NKD1: variants seen among roughly 807,000 people sequenced by gnomAD.
NKD1 encodes the protein NKD inhibitor of Wnt signaling pathway 1, also known as protein naked cuticle homolog 1.
In NKD1, 21 loss-of-function variants were observed where a neutral mutation model predicts 56.0. The observed-to-expected ratio is 0.38, with a 90% CI of 0.27 to 0.54. NKD1 has a LOEUF of 0.54. Among genes scored for constraint, NKD1 ranks in the 20% least tolerant of loss-of-function variants. The pLI, the probability that NKD1 is intolerant of heterozygous loss-of-function variation, is 0.82. For synonymous variants in NKD1, 263 were observed against 265.7 expected (o/e 0.99, Z 0.10); for missense variants, 578 against 642.7 (o/e 0.90, Z 1.09).
chr16:50,561,730 G>A (rs1442757672), intron 3 of NKD1, among the ~76,000 whole-genome samples: 1 of 152,184 alleles, frequency 6.6e-6, no homozygotes, highest in East Asian at 1.9e-4. Context: ...CCTGGAATTA[G>A]CAACAACACA....
intron 6 of NKD1, among the ~76,000 whole-genome samples, chr16:50,625,929 G>A (rs185812938): frequency 3.4e-4 from 52 of 152,214 alleles, no homozygotes; most frequent in East Asian, 3.9e-4. Flanking sequence ...TCTCTCCACA[G>A]TCCCAGAGCT....
chr16:50,588,291 G>A (rs1338770261), intron 3 of NKD1, among the ~76,000 whole-genome samples: 1 of 152,258 alleles, frequency 6.6e-6, no homozygotes, highest in Non-Finnish European at 1.5e-5. Context: ...AACTGGGACT[G>A]AGACTGCAAG....
chr16:50,566,098 C>T (rs982293508), intron 3 of NKD1: 12 of 947,934 alleles, frequency 1.3e-5, no homozygotes, highest in Admixed American at 6.2e-5. Context: ...TCTACAAAAT[C>T]GAGGAGGAAA....
At chr16:50,616,036 T>C (rs1382778264) in intron 4 of NKD1, 1 of 454,790 alleles carries the variant, frequency 2.2e-6, no homozygotes, top group African/African-American at 2.0e-5. Context: ...TTCATCTGCA[T>C]TCCCTCGAAC....
rs1962413951 is a variant in NKD1, at chr16:50,634,009, G to GA, written c.*228_*229insA. The GA allele has an allele frequency of 2.4e-6, 1 of 422,522 alleles. No homozygotes were observed. Among genetic ancestry groups the GA allele is most frequent in the Admixed American group, 4.2e-5 (1 of 23,974 alleles). 26.2% of individuals were successfully genotyped at this position (422,522 alleles called of 1,614,324 possible). A position where few individuals can be genotyped will look rare whatever the true frequency, so the allele number is the denominator to read the frequency against. ...CATAACTAGCCCAGGAAATGACTCT[G>GA]GTTTTGAGTGGCCTGTAATGGGCAG... On this transcript the variant is annotated 3_prime_UTR_variant, in exon 10 of 10. Coordinates refer to ENST00000268459, the MANE Select transcript of NKD1 (RefSeq NM_033119.5).
chr16:50,622,124 G>A (rs1397695238), intron 5 of NKD1, among the ~76,000 whole-genome samples: 2 of 152,306 alleles, frequency 1.3e-5, no homozygotes, highest in African/African-American at 2.4e-5. Context: ...CAGGAGGTAC[G>A]GGCAGGACCC....
Position 50,548,754 on chromosome 16 carries a change from G to A in NKD1, c.58+5G>A. 1 of 1,414,794 alleles carries A rather than the reference G, an allele frequency of 7.1e-7. No homozygotes were observed. Among genetic ancestry groups the A allele is most frequent in the Non-Finnish European group, 9.1e-7 (1 of 1,095,916 alleles). 87.6% of individuals were successfully genotyped at this position (1,414,794 alleles called of 1,614,324 possible). On this transcript the variant is annotated splice_donor_5th_base_variant and intron_variant, in intron 2 of 9. Coordinates refer to ENST00000268459, the MANE Select transcript of NKD1 (RefSeq NM_033119.5). ...AGCGCAGGGAGAGCCCGGAAGGTAG[G>A]GGCGCGCGGGGCGCAGACCTCGGGG...
Position 50,623,984 on chromosome 16 carries a change from G to C in NKD1, c.367-1501G>C, listed in dbSNP as rs1298941707. ...TGAAGCAAGGTTGGCTTTGAACTCA[G>C]CGTGGGCGCCCGAGAATTGCTGGAG... On this transcript the variant is annotated intron_variant, in intron 5 of 9. Coordinates refer to ENST00000268459, the MANE Select transcript of NKD1 (RefSeq NM_033119.5). The surrounding 1 kb of genome is among the most constrained non-coding windows in gnomAD (Gnocchi z 4.1). Among the ~76,000 whole-genome samples the C allele has an allele frequency of 6.6e-6, 1 of 152,142 alleles. No homozygotes were observed. The highest frequency in any genetic ancestry group is 2.4e-5 in the African/African-American group (1 of 41,420).
At chr16:50,597,589 ATTCTGGAAAACGCACC>A (rs1018279786) in intron 3 of NKD1, among the ~76,000 whole-genome samples, 61 of 152,300 alleles carry the variant, frequency 4.0e-4, no homozygotes, top group African/African-American at 1.4e-3. Flanking sequence ...TTCCAGAAAC[ATTCTGGAAAACGCACC>A]TTTTTGTTTA....
intron 7 of NKD1, 141 bp from the exon 8 acceptor site, chr16:50,630,685 C>A: frequency 1.5e-6 from 1 of 683,196 alleles, no homozygotes; most frequent in Admixed American, 2.8e-5. Context: ...GGCAGGTAGC[C>A]TTGAGACCCC....
chr16:50,626,186 C>G (rs1962209978), intron 6 of NKD1, among the ~76,000 whole-genome samples: 2 of 152,232 alleles, frequency 1.3e-5, no homozygotes, highest in Admixed American at 1.3e-4. Flanking sequence ...CCTCCTCCTG[C>G]AGCTCTCTCC....
chr16:50,566,546 A>T (rs1960763629), intron 3 of NKD1, among the ~76,000 whole-genome samples: 1 of 152,158 alleles, frequency 6.6e-6, no homozygotes, highest in South Asian at 2.1e-4. Context: ...CCGTCCCCGC[A>T]TCCCTTGAAC....
At chr16:50,561,354 T>C (rs1481051570) in intron 3 of NKD1, among the ~76,000 whole-genome samples, 2 of 146,300 alleles carry the variant, frequency 1.4e-5, no homozygotes, top group Non-Finnish European at 3.0e-5. Flanking sequence ...CTCTCAAAAA[T>C]GCATTAAAGG....
chr16:50,633,177 T>G lies in NKD1; in HGVS notation c.824-15T>G, dbSNP rs752286657. On this transcript the variant is annotated splice_polypyrimidine_tract_variant and intron_variant, in intron 9 of 9. Transcript: ENST00000268459. This position sits in a 1 kb window ranked among gnomAD's most constrained non-coding sequence, Gnocchi z 4.9. ...CAGTAGGTGCTCATTAAATGTCTGT[T>G]GAATTGGTTCCTAGGCTCCCCTTCC... 3.8e-6 allele frequency: 6 copies of G among 1,586,890 alleles called. No individual in the cohort carries two copies. The highest frequency in any genetic ancestry group is 5.2e-6 in the Non-Finnish European group (6 of 1,163,992).
chr16:50,576,560 G>A (rs1960998474), intron 3 of NKD1, among the ~76,000 whole-genome samples: 1 of 152,156 alleles, frequency 6.6e-6, no homozygotes, highest in Admixed American at 6.5e-5. Flanking sequence ...AGCCTCCTGA[G>A]TATCCTGAAA....
chr16:50,579,395 C>G (rs1230322829), intron 3 of NKD1, among the ~76,000 whole-genome samples: 2 of 148,872 alleles, frequency 1.3e-5, no homozygotes, highest in African/African-American at 2.5e-5. Flanking sequence ...TAACCAGCCA[C>G]ACATGCACTG....
intron 5 of NKD1, chr16:50,625,129 C>G: frequency 3.1e-6 from 1 of 326,244 alleles, no homozygotes; most frequent in Non-Finnish European, 5.9e-6. Context: ...CTGGGGCTCC[C>G]AAATTGCCGC....
At chr16:50,565,949 G>C (rs985315433) in intron 3 of NKD1, among the ~76,000 whole-genome samples, 1 of 152,082 alleles carries the variant, frequency 6.6e-6, no homozygotes, top group Non-Finnish European at 1.5e-5. Flanking sequence ...GCCTGTGGTC[G>C]ACTTTAGAGC....
At chr16:50,573,245 C>T (rs2151267191) in intron 3 of NKD1, among the ~76,000 whole-genome samples, 1 of 152,334 alleles carries the variant, frequency 6.6e-6, no homozygotes, top group South Asian at 2.1e-4. Context: ...CCTTCAGCAC[C>T]ACACAATCTC....
Sources: allele counts gnomAD v4.1 joint callset (sites outside exome capture counted in the v4.1 genomes callset), GRCh38; gene constraint gnomAD v4.1.1; non-coding constraint Gnocchi (gnomAD v3.1); transcripts MANE v1.5; gene names NCBI Gene and HGNC (gene_info 2026-07-23, HGNC 2026-07-21).